The following GTF2A1L variants were observed in gnomAD, a reference collection of about 807,000 sequenced individuals.
GTF2A1L encodes the protein general transcription factor IIA subunit 1 like.
A neutral mutation model predicts 49.7 loss-of-function variants in GTF2A1L; 48 were observed. The observed-to-expected ratio is 0.97, with a 90% confidence interval of 0.77 to 1.23. The LOEUF (loss-of-function observed/expected upper bound fraction) is 1.23. Among genes scored for constraint, GTF2A1L ranks in the 50% most tolerant of loss-of-function variants. The probability of loss-of-function intolerance (pLI) is 0.00; values close to 1 mark genes in which losing one functional copy is unlikely to be tolerated. For missense variants in GTF2A1L, 736 were observed against 564.8 expected (o/e 1.30, Z -3.07); for synonymous variants, 246 against 193.5 (o/e 1.27, Z -2.25).
intron 4 of GTF2A1L, among the ~76,000 whole-genome samples, chr2:48,644,025 G>T (rs1677357681): frequency 6.6e-6 from 1 of 151,990 alleles, no homozygotes; most frequent in Admixed American, 6.6e-5. Flanking sequence ...AAAAAAATTA[G>T]CCAAGCATGG....
chr2:48,671,439 A>C (rs1377338227), intron 7 of GTF2A1L, 152 bp from the exon 8 acceptor site: 1 of 634,224 alleles, frequency 1.6e-6, no homozygotes, highest in Non-Finnish European at 2.5e-6. Flanking sequence ...CCTGGCCTCA[A>C]GCAATCTGCC....
In GTF2A1L at chr2:48,618,070, G is replaced by A. The variant is rs1572684862; in HGVS notation, c.21+175G>A. ...TCTGTGTTGGAGGAAGCTGCTGAGG[G>A]CCAGTAGTTCAGCAGGAAGTTGGGC... On this transcript the variant is annotated intron_variant, in intron 1 of 8. Transcript: ENST00000403751. 2.3e-5 allele frequency: 15 copies of A among 641,014 alleles called. 1 individual carries two copies. The East Asian group carries it at 3.6e-4, about 15-fold the overall frequency. The allele number at this position is 641,014 out of a possible 1,614,324, so 39.7% of individuals were successfully genotyped here. A position where few individuals can be genotyped will look rare whatever the true frequency, so the allele number is the denominator to read the frequency against.
chr2:48,620,994 T>C (rs1230298287), intron 2 of GTF2A1L, 42 bp downstream of exon 2: 1 of 1,582,498 alleles, frequency 6.3e-7, no homozygotes, highest in Non-Finnish European at 8.6e-7. Flanking sequence ...CTTTTGTTGT[T>C]TTTTTCAGCA....
At chr2:48,630,709 A>C (rs1393950239) in intron 3 of GTF2A1L, among the ~76,000 whole-genome samples, 1 of 116,624 alleles carries the variant, frequency 8.6e-6, no homozygotes, top group Non-Finnish European at 2.1e-5. Flanking sequence ...AGTTCTTCCA[A>C]TTTTTGCCCA....
At chr2:48,668,643 A>G (rs191406930) in intron 6 of GTF2A1L, 1 of 152,230 alleles carries the variant, frequency 6.6e-6, no homozygotes, top group African/African-American at 2.4e-5. Flanking sequence ...CATCCTGGCT[A>G]ACACGGTGGA....
intron 8 of GTF2A1L, among the ~76,000 whole-genome samples, chr2:48,677,058 C>T (rs1478045948): frequency 1.3e-5 from 2 of 151,516 alleles, no homozygotes; most frequent in East Asian, 3.9e-4. Flanking sequence ...TATTGATTTT[C>T]TGTTTTGTTC....
chr2:48,638,686 C>T (rs1479660045), intron 3 of GTF2A1L, among the ~76,000 whole-genome samples: 1 of 152,094 alleles, frequency 6.6e-6, no homozygotes, highest in Non-Finnish European at 1.5e-5. Flanking sequence ...CCCTCTCTCA[C>T]CACTCCTATT....
intron 3 of GTF2A1L, among the ~76,000 whole-genome samples, chr2:48,636,560 C>A (rs1045833319): frequency 1.3e-5 from 2 of 152,014 alleles, no homozygotes; most frequent in Non-Finnish European, 2.9e-5. Flanking sequence ...ATCATCAGTT[C>A]AAATGTCAAC....
At chr2:48,645,348 A>T (rs929481780) in intron 5 of GTF2A1L, among the ~76,000 whole-genome samples, 6 of 152,148 alleles carry the variant, frequency 3.9e-5, no homozygotes, top group Non-Finnish European at 8.8e-5. Flanking sequence ...CTTTCCCAAC[A>T]TTGTATAGGG....
rs895473029 is a variant in GTF2A1L at position 48,664,094 on chromosome 2, T to TA, written c.979-5619dup. On this transcript the variant is annotated intron_variant, in intron 6 of 8. Coordinates refer to ENST00000403751, the MANE Select transcript of GTF2A1L (RefSeq NM_006872.5). Reference sequence around the variant, plus strand: ...GTAGACTATAATCTATTTTGATGAATAAAAAAAAATATTTCTTCCCAGAGT... The same window carrying TA: ...GTAGACTATAATCTATTTTGATGAATAAAAAAAAAATATTTCTTCCCAGAGT... Among the ~76,000 whole-genome samples, 34 of 151,146 alleles carry TA rather than the reference T, an allele frequency of 2.2e-4. 1 individual carries two copies. In the East Asian group the frequency reaches 2.7e-3, roughly 12 times the overall value.
intron 6 of GTF2A1L, among the ~76,000 whole-genome samples, chr2:48,649,234 T>C (rs1163878672): frequency 1.3e-5 from 2 of 152,194 alleles, no homozygotes; most frequent in Non-Finnish European, 2.9e-5. Flanking sequence ...TTTTCAAGGT[T>C]AGTCGATATC....
chr2:48,621,400 C>T (rs1675993649), intron 3 of GTF2A1L, 110 bp downstream of exon 3: 52 of 1,422,660 alleles, frequency 3.7e-5, no homozygotes, highest in Non-Finnish European at 4.6e-5. Context: ...AAGGCTTGGA[C>T]ACCTAAATCA....
chr2:48,638,905 C>T (rs1441685235), intron 3 of GTF2A1L, among the ~76,000 whole-genome samples: 3 of 151,938 alleles, frequency 2.0e-5, no homozygotes, highest in African/African-American at 7.3e-5. Flanking sequence ...GTACAAAAAT[C>T]ACTAACATTC....
intron 6 of GTF2A1L, 87 bp from the exon 7 acceptor site, chr2:48,669,635 T>C (rs1395751837): frequency 2.0e-6 from 3 of 1,481,888 alleles, no homozygotes; most frequent in Admixed American, 4.4e-5. Flanking sequence ...TGACCATTTG[T>C]GGAATGTTTG....
chr2:48,646,219 G>C (rs1052412432), intron 5 of GTF2A1L, among the ~76,000 whole-genome samples: 1 of 151,866 alleles, frequency 6.6e-6, no homozygotes, highest in East Asian at 1.9e-4. Flanking sequence ...TGTGGGAAAA[G>C]TCTGGAATTA....
At chr2:48,653,220 CAAAAAAA>C (rs568400398) in intron 6 of GTF2A1L, among the ~76,000 whole-genome samples, 3 of 88,146 alleles carry the variant, frequency 3.4e-5, no homozygotes, top group Admixed American at 1.2e-4. Flanking sequence ...GACTCTGTCT[CAAAAAAA>C]AAAAAAAAAA....
At chr2:48,619,759 A>T (rs922768474) in intron 1 of GTF2A1L, among the ~76,000 whole-genome samples, 1 of 152,184 alleles carries the variant, frequency 6.6e-6, no homozygotes. Flanking sequence ...GTTTATATAG[A>T]TATGAAGGGC....
intron 6 of GTF2A1L, among the ~76,000 whole-genome samples, chr2:48,655,710 T>A (rs537188603): frequency 1.3e-5 from 2 of 152,318 alleles, no homozygotes; most frequent in African/African-American, 4.8e-5. Context: ...ATTTTATTTT[T>A]AAATTATTTT....
intron 3 of GTF2A1L, among the ~76,000 whole-genome samples, chr2:48,636,361 T>G (rs1676887358): frequency 6.6e-6 from 1 of 152,230 alleles, no homozygotes; most frequent in Non-Finnish European, 1.5e-5. Flanking sequence ...AGTATAATAA[T>G]TCTTAGATTA....
Sources: allele counts gnomAD v4.1 joint callset (sites outside exome capture counted in the v4.1 genomes callset), GRCh38; gene constraint gnomAD v4.1.1; transcripts MANE v1.5; gene names NCBI Gene and HGNC (gene_info 2026-07-23, HGNC 2026-07-21).